The following STK32B variants were observed in gnomAD, a reference collection of about 807,000 sequenced individuals.
The protein encoded by STK32B is serine/threonine-protein kinase 32B.
Under a neutral mutation model 52.6 loss-of-function variants are expected in STK32B, and 43 were observed. The observed-to-expected ratio is 0.82, with a 90% CI of 0.64 to 1.05. The LOEUF is 1.05. STK32B is among the 50% of genes least tolerant of loss of function. The pLI is 0.00. For synonymous variants in STK32B, 238 were observed against 204.3 expected (o/e 1.17, Z -1.41); for missense variants, 621 against 534.6 (o/e 1.16, Z -1.59).
chr4:5,060,518 TC>T (rs1183530822), intron 1 of STK32B, among the ~76,000 whole-genome samples: 2 of 152,172 alleles, frequency 1.3e-5, no homozygotes, highest in African/African-American at 2.4e-5. Context: ...AAAATAGTTT[TC>T]TTCTGTACAC....
At chr4:5,375,839 G>A (rs1035724487) in intron 4 of STK32B, among the ~76,000 whole-genome samples, 1 of 152,168 alleles carries the variant, frequency 6.6e-6, no homozygotes, top group Non-Finnish European at 1.5e-5. Flanking sequence ...GAATCAAGCA[G>A]CAAGAGCCTG....
At chr4:5,246,515 C>G (rs934514086) in intron 3 of STK32B, among the ~76,000 whole-genome samples, 2 of 152,120 alleles carry the variant, frequency 1.3e-5, no homozygotes, top group African/African-American at 4.8e-5. Flanking sequence ...GCCATTGGTT[C>G]AAACTTCCTC....
chr4:5,139,160 G>A (rs1332888302), intron 1 of STK32B, among the ~76,000 whole-genome samples: 2 of 152,142 alleles, frequency 1.3e-5, no homozygotes, highest in Non-Finnish European at 2.9e-5. Flanking sequence ...GAGACAACAT[G>A]GAGCTACCTG....
chr4:5,121,853 G>T (rs559861642), intron 1 of STK32B, among the ~76,000 whole-genome samples: 106 of 152,180 alleles, frequency 7.0e-4, no homozygotes, highest in Non-Finnish European at 1.2e-3. Flanking sequence ...CTGTTCAGGA[G>T]ACTTGTCCTG....
At chr4:5,482,881 G>A (rs1308925258) in intron 11 of STK32B, among the ~76,000 whole-genome samples, 1 of 152,112 alleles carries the variant, frequency 6.6e-6, no homozygotes, top group Non-Finnish European at 1.5e-5. Flanking sequence ...TTATATGCTG[G>A]ATTACATTTA....
intron 1 of STK32B, among the ~76,000 whole-genome samples, chr4:5,113,672 A>G (rs1333083753): frequency 6.6e-6 from 1 of 152,202 alleles, no homozygotes; most frequent in Non-Finnish European, 1.5e-5. Flanking sequence ...CCTCAATATA[A>G]GAAATAACAG....
chr4:5,259,574 T>A (rs1726564008), intron 3 of STK32B, among the ~76,000 whole-genome samples: 1 of 152,192 alleles, frequency 6.6e-6, no homozygotes, highest in African/African-American at 2.4e-5. Context: ...ACATAAAAAT[T>A]TAATGAGTTA....
Position 5,287,526 on chromosome 4 carries a change from A to G in STK32B, c.261-43694A>G, listed in dbSNP as rs116600052. Among the ~76,000 whole-genome samples the G allele has an allele frequency of 8.8e-3, 1,341 of 152,222 alleles. 10 individuals are homozygous for G. Among genetic ancestry groups the G allele is most frequent in the Non-Finnish European group, 0.015 (991 of 68,012 alleles). On this transcript the variant is annotated intron_variant, in intron 3 of 11. Coordinates refer to ENST00000282908, the MANE Select transcript of STK32B (RefSeq NM_018401.3). ...AATAGATACATTTATATGCTTCACA[A>G]TTTAAAAGATGGACATGAGTGTACA... is the stretch of plus-strand genomic sequence containing the variant.
At chr4:5,270,156 A>G (rs1020391017) in intron 3 of STK32B, among the ~76,000 whole-genome samples, 1 of 152,174 alleles carries the variant, frequency 6.6e-6, no homozygotes, top group Non-Finnish European at 1.5e-5. Flanking sequence ...GAGGGACAGA[A>G]TGAATAGGAT....
chr4:5,079,182 A>G (rs984085721), intron 1 of STK32B, among the ~76,000 whole-genome samples: 1 of 152,128 alleles, frequency 6.6e-6, no homozygotes, highest in Non-Finnish European at 1.5e-5. Flanking sequence ...ATACTCCATC[A>G]TTGGGCCATA....
intron 3 of STK32B, among the ~76,000 whole-genome samples, chr4:5,238,003 A>G (rs1009037677): frequency 2.6e-5 from 4 of 152,170 alleles, no homozygotes; most frequent in African/African-American, 9.7e-5. Flanking sequence ...TGAAAACGAG[A>G]GAGTCTGATT....
chr4:5,485,546 C>G (rs1428999765), intron 11 of STK32B, among the ~76,000 whole-genome samples: 1 of 152,168 alleles, frequency 6.6e-6, no homozygotes, highest in African/African-American at 2.4e-5. Context: ...CCTCCTTTAG[C>G]TCGGAGTTGT....
At chr4:5,193,362 G>A (rs1304624538) in intron 3 of STK32B, among the ~76,000 whole-genome samples, 1 of 152,188 alleles carries the variant, frequency 6.6e-6, no homozygotes, top group Admixed American at 6.5e-5. Context: ...CGGTACCTCA[G>A]CTTAGTAGAT....
intron 3 of STK32B, among the ~76,000 whole-genome samples, chr4:5,310,162 T>C (rs1730195331): frequency 6.6e-6 from 1 of 152,034 alleles, no homozygotes; most frequent in Admixed American, 6.6e-5. Context: ...CAAGACTCCA[T>C]CTCAAAAATC....
At chr4:5,313,239 G>T (rs563331149) in intron 3 of STK32B, among the ~76,000 whole-genome samples, 1 of 151,720 alleles carries the variant, frequency 6.6e-6, no homozygotes, top group Non-Finnish European at 1.5e-5. Flanking sequence ...TATTTTTAAG[G>T]CAGTCAATGT....
chr4:5,032,741 A>G, the STK32B span, among the ~76,000 whole-genome samples: 1 of 152,132 alleles, frequency 6.6e-6, no homozygotes, highest in African/African-American at 2.4e-5. Context: ...TACCTCTAGA[A>G]CTTTCTCATC....
At chr4:5,140,149 T>C in intron 2 of STK32B, 189 bp downstream of exon 2, 1 of 1,425,482 alleles carries the variant, frequency 7.0e-7, no homozygotes, top group Non-Finnish European at 9.6e-7. Flanking sequence ...GAAATTAAAT[T>C]ACCACAACAG....
chr4:5,216,473 A>G (rs1723191009), intron 3 of STK32B, among the ~76,000 whole-genome samples: 1 of 152,216 alleles, frequency 6.6e-6, no homozygotes, highest in Admixed American at 6.5e-5. Flanking sequence ...AATATAAAGT[A>G]GGAGAACTTA....
intron 1 of STK32B, among the ~76,000 whole-genome samples, chr4:5,087,484 C>A (rs1712795815): frequency 6.6e-6 from 1 of 151,682 alleles, no homozygotes; most frequent in Admixed American, 6.6e-5. Flanking sequence ...ATTAAACTCT[C>A]CAATTAAAAG....
Sources: allele counts gnomAD v4.1 joint callset (sites outside exome capture counted in the v4.1 genomes callset), GRCh38; gene constraint gnomAD v4.1.1; transcripts MANE v1.5; gene names NCBI Gene and HGNC (gene_info 2026-07-23, HGNC 2026-07-21).